NRXN1: variants seen among roughly 807,000 people sequenced by gnomAD.
The protein encoded by NRXN1 is neurexin 1.
In NRXN1, 39 loss-of-function variants were observed where a neutral mutation model predicts 150.9. That is an observed-to-expected ratio of 0.26 (90% CI 0.20 to 0.34). The LOEUF (loss-of-function observed/expected upper bound fraction) is 0.34, where lower values mean the gene tolerates loss of function less well. Ranked by LOEUF, NRXN1 falls within the 10% of genes least tolerant of loss-of-function variation. NRXN1 has a pLI of 1.00. For synonymous variants in NRXN1, 924 were observed against 757.0 expected (o/e 1.22, Z -3.62); for missense variants, 1,815 against 1,949.9 (o/e 0.93, Z 1.30).
rs67661616 is a variant in NRXN1 at position 51,028,694 on chromosome 2, T to G, written c.-421A>C. The G allele has an allele frequency of 0.23, 37,404 of 164,596 alleles. 4,788 individuals are homozygous for G. Among genetic ancestry groups the G allele is most frequent in the Non-Finnish European group, 0.3 (22,741 of 76,836 alleles). 10.2% of individuals were successfully genotyped at this position (164,596 alleles called of 1,614,324 possible). A position where few individuals can be genotyped will look rare whatever the true frequency, so the allele number is the denominator to read the frequency against. On this transcript the variant is annotated 5_prime_UTR_variant, in exon 2 of 23. Coordinates refer to ENST00000401669, the MANE Select transcript of NRXN1 (RefSeq NM_001330078.2). Reference sequence around the variant, plus strand: ...CCCATTATCTGCCAGGTTCCACCAGTGGTACCAGGCCAAAAGGAAGCAGTG... The same window carrying G: ...CCCATTATCTGCCAGGTTCCACCAGGGGTACCAGGCCAAAAGGAAGCAGTG...
intron 5 of NRXN1, among the ~76,000 whole-genome samples, chr2:50,764,854 T>G (rs532779049): frequency 6.6e-6 from 1 of 152,136 alleles, no homozygotes; most frequent in South Asian, 2.1e-4. Flanking sequence ...TTCATTTCTG[T>G]GTAAATAATG....
chr2:50,769,572 T>C (rs1466109244), intron 5 of NRXN1, among the ~76,000 whole-genome samples: 1 of 152,058 alleles, frequency 6.6e-6, no homozygotes, highest in Non-Finnish European at 1.5e-5. Context: ...CAGAATGAGA[T>C]TCTAGGTTTA....
At chr2:50,213,029 T>C (rs1188861377) in intron 18 of NRXN1, among the ~76,000 whole-genome samples, 1 of 151,878 alleles carries the variant, frequency 6.6e-6, no homozygotes, top group East Asian at 1.9e-4. Flanking sequence ...CTAAGATGTG[T>C]TCTGTCTTTA....
In NRXN1 at chr2:49,918,637, T is replaced by C. The variant is rs1667706659; in HGVS notation, c.*3307A>G. On this transcript the variant is annotated 3_prime_UTR_variant, in exon 23 of 23. Transcript: ENST00000401669. Reference sequence around the variant, plus strand: ...TAATACTGTATGAGTTTATGGTTTCTGGCATATCAAGATGAACAAATATAA... The same window carrying C: ...TAATACTGTATGAGTTTATGGTTTCCGGCATATCAAGATGAACAAATATAA... The C allele has an allele frequency of 6.6e-6, 1 of 152,120 alleles. No individual in the cohort carries two copies. Among genetic ancestry groups the C allele is most frequent in the South Asian group, 2.1e-4 (1 of 4,836 alleles). The allele number at this position is 152,120 out of a possible 1,614,324, so 9.4% of individuals were successfully genotyped here. A position where few individuals can be genotyped will look rare whatever the true frequency, so the allele number is the denominator to read the frequency against.
At chr2:50,388,680 T>C (rs1219445964) in intron 17 of NRXN1, among the ~76,000 whole-genome samples, 1 of 152,142 alleles carries the variant, frequency 6.6e-6, no homozygotes, top group East Asian at 1.9e-4. Flanking sequence ...TTCAATTATA[T>C]TGAAATTCAG....
chr2:50,634,659 T>C (rs1682959910), intron 5 of NRXN1, among the ~76,000 whole-genome samples: 1 of 152,212 alleles, frequency 6.6e-6, no homozygotes, highest in Non-Finnish European at 1.5e-5. Context: ...AAGTTTGGGC[T>C]AATTTATAAG....
chr2:50,136,309 G>C (rs1377194989), intron 18 of NRXN1, among the ~76,000 whole-genome samples: 3 of 152,162 alleles, frequency 2.0e-5, no homozygotes, highest in Non-Finnish European at 4.4e-5. Flanking sequence ...GCTGGGTTAA[G>C]TATCCAAACC....
rs1002913328 is a variant in NRXN1 at position 50,530,571 on chromosome 2, T to C, written c.2347+656A>G. On this transcript the variant is annotated intron_variant, in intron 11 of 22. Coordinates refer to ENST00000401669, the MANE Select transcript of NRXN1 (RefSeq NM_001330078.2). ...TTTTACTGTAATGGGTCTTTCTTAA[T>C]GCTACAATTAAGCAGGAAAGCATTA... Among the ~76,000 whole-genome samples, 7 of 152,308 alleles carry C rather than the reference T, an allele frequency of 4.6e-5. No homozygotes were observed. The East Asian group carries it at 9.6e-4, about 21-fold the overall frequency.
At chr2:50,806,727 C>T (rs556075974) in intron 5 of NRXN1, among the ~76,000 whole-genome samples, 13 of 152,090 alleles carry the variant, frequency 8.5e-5, no homozygotes, top group African/African-American at 2.9e-4. Flanking sequence ...GTTTCTTTTC[C>T]ACTCTGTCTC....
intron 5 of NRXN1, among the ~76,000 whole-genome samples, chr2:50,750,401 C>G (rs1343445785): frequency 2.6e-5 from 4 of 151,442 alleles, no homozygotes; most frequent in African/African-American, 9.7e-5. Context: ...ATGTAGCTCA[C>G]TAGTTGTTAA....
chr2:50,384,975 A>G (rs2081228661), intron 17 of NRXN1, among the ~76,000 whole-genome samples: 1 of 152,178 alleles, frequency 6.6e-6, no homozygotes, highest in South Asian at 2.1e-4. Flanking sequence ...AACTTCAGAA[A>G]GAAAATTCCT....
chr2:50,995,534 G>T (rs139618167), intron 2 of NRXN1, among the ~76,000 whole-genome samples: 1 of 151,534 alleles, frequency 6.6e-6, no homozygotes, highest in African/African-American at 2.4e-5. Flanking sequence ...GAACCTGGGA[G>T]GCAGAGGTTG....
chr2:50,367,300 G>A (rs890116102), intron 17 of NRXN1, among the ~76,000 whole-genome samples: 2 of 151,948 alleles, frequency 1.3e-5, no homozygotes, highest in Non-Finnish European at 2.9e-5. Flanking sequence ...TCCATTTCCT[G>A]TAGAAGAGAA....
At chr2:50,306,939 A>G (rs1234746376) in intron 17 of NRXN1, among the ~76,000 whole-genome samples, 1 of 152,156 alleles carries the variant, frequency 6.6e-6, no homozygotes, top group Non-Finnish European at 1.5e-5. Flanking sequence ...TATATGCATT[A>G]AAAATGAGGA....
intron 8 of NRXN1, among the ~76,000 whole-genome samples, chr2:50,572,911 G>C (rs1004943889): frequency 3.9e-5 from 6 of 152,092 alleles, no homozygotes; most frequent in Non-Finnish European, 8.8e-5. Context: ...GTGAATTTGA[G>C]CAAGTATCTT....
intron 10 of NRXN1, among the ~76,000 whole-genome samples, chr2:50,536,935 A>G (rs910399582): frequency 6.6e-6 from 1 of 152,210 alleles, no homozygotes; most frequent in Non-Finnish European, 1.5e-5. Flanking sequence ...ATCTGTATCT[A>G]TGTGATAACA....
At chr2:50,485,157 C>G (rs1396077863) in intron 15 of NRXN1, among the ~76,000 whole-genome samples, 1 of 151,994 alleles carries the variant, frequency 6.6e-6, no homozygotes, top group Non-Finnish European at 1.5e-5. Context: ...ATTCAGAGAC[C>G]GTATGTGTAA....
At chr2:50,230,856 T>G (rs2064874740) in intron 18 of NRXN1, among the ~76,000 whole-genome samples, 2 of 152,118 alleles carry the variant, frequency 1.3e-5, no homozygotes, top group South Asian at 4.1e-4. Flanking sequence ...TATTTAGCAC[T>G]TAAGCCAATA....
intron 2 of NRXN1, among the ~76,000 whole-genome samples, chr2:50,942,937 C>T (rs1167528017): frequency 6.6e-6 from 1 of 152,122 alleles, no homozygotes; most frequent in African/African-American, 2.4e-5. Context: ...GTGTCCCACC[C>T]AAACCTTATC....
Sources: gnomAD v4.1 joint callset for allele counts (sites outside exome capture counted in the v4.1 genomes callset) on GRCh38, gnomAD v4.1.1 for gene constraint, MANE v1.5 for transcripts, NCBI Gene and HGNC (gene_info 2026-07-23, HGNC 2026-07-21) for gene names.